The following MCF2L2 variants were observed in gnomAD, a reference collection of about 807,000 sequenced individuals.
The protein encoded by MCF2L2 is probable guanine nucleotide exchange factor MCF2L2.
A neutral mutation model predicts 150.2 loss-of-function variants in MCF2L2; 102 were observed. The observed-to-expected ratio is 0.68, with a 90% CI of 0.58 to 0.80. MCF2L2 has a LOEUF of 0.80. MCF2L2 is among the 30% of genes least tolerant of loss of function. MCF2L2 has a pLI of 0.00. For synonymous variants in MCF2L2, 465 were observed against 491.3 expected, an observed-to-expected ratio of 0.95 and a Z score of 0.71; for missense variants, 1,256 against 1,372.8, an observed-to-expected ratio of 0.91 and a Z score of 1.34.
rs768587693 is a variant in MCF2L2, at chr3:183,323,330, A to G, written c.508T>C (p.Ser170Pro). ...TTGTCGATGTAGCCGTGAAGGTCAG[A>G]GACAGAGTTTACCATGATGATCTGT... is the stretch of plus-strand genomic sequence containing the variant. Reference protein sequence around the residue: ...KVPIIMVNSVSDLHGYIDKSQ... With the variant: ...KVPIIMVNSVPDLHGYIDKSQ... The change falls in exon 6 of 30, where the codon TCT becomes CCT. Residue 170 changes from serine (S) to proline (P), a missense_variant. Transcript: ENST00000328913. 1.2e-6 allele frequency: 2 copies of G among 1,613,006 alleles called. No homozygotes were observed. Among genetic ancestry groups the G allele is most frequent in the East Asian group, 4.5e-5 (2 of 44,882 alleles).
chr3:183,271,153 G>C (rs903447574), intron 15 of MCF2L2: 1 of 420,832 alleles, frequency 2.4e-6, no homozygotes, highest in Non-Finnish European at 4.2e-6. Flanking sequence ...TTTAGAAAAG[G>C]TTTATATTAT....
In MCF2L2 at chr3:183,354,474, T is replaced by G. The variant is rs564277096; in HGVS notation, c.276-12844A>C. On this transcript the variant is annotated intron_variant, in intron 3 of 29. Transcript: ENST00000328913. ...ACCAAGAACCTTGGCTTCCACAACC[T>G]GCACCCTCCCACCCCACCCCACTTA... Among the ~76,000 whole-genome samples, 20 of 152,210 alleles carry G rather than the reference T, an allele frequency of 1.3e-4. No homozygotes were observed. In the South Asian group the frequency reaches 3.9e-3, roughly 30 times the overall value.
At chr3:183,184,235 C>T (rs1409157956) in intron 27 of MCF2L2, among the ~76,000 whole-genome samples, 1 of 152,190 alleles carries the variant, frequency 6.6e-6, no homozygotes, top group Admixed American at 6.5e-5. Context: ...TCAGGCTGGT[C>T]TCGAACTCTT....
chr3:183,318,838 C>T (rs1159491586), intron 6 of MCF2L2, among the ~76,000 whole-genome samples: 1 of 152,190 alleles, frequency 6.6e-6, no homozygotes, highest in Non-Finnish European at 1.5e-5. Context: ...TTTCAAAATA[C>T]TTTATTGTTA....
At chr3:183,417,111 G>T (rs1715632279) in intron 1 of MCF2L2, among the ~76,000 whole-genome samples, 1 of 75,348 alleles carries the variant, frequency 1.3e-5, no homozygotes, top group Non-Finnish European at 2.2e-5. Context: ...GTGAGACTCT[G>T]TCTCAAAAAA....
intron 1 of MCF2L2, among the ~76,000 whole-genome samples, chr3:183,403,071 C>T (rs1714857119): frequency 1.3e-5 from 2 of 151,758 alleles, no homozygotes; most frequent in Non-Finnish European, 2.9e-5. Flanking sequence ...ACCTGAAGTT[C>T]GAGACCAGCC....
At chr3:183,421,025 T>C (rs1185099333) in intron 1 of MCF2L2, among the ~76,000 whole-genome samples, 4 of 152,256 alleles carry the variant, frequency 2.6e-5, no homozygotes, top group Non-Finnish European at 5.9e-5. Context: ...TCATCTATCA[T>C]CTCTGATGAG....
At chr3:183,206,969 GGAA>G (rs1722511747) in intron 23 of MCF2L2, among the ~76,000 whole-genome samples, 1 of 11,858 alleles carries the variant, frequency 8.4e-5, no homozygotes, top group Non-Finnish European at 2.2e-4. Context: ...AAGGAAGGAA[GGAA>G]GGGAGGGAGG....
intron 27 of MCF2L2, among the ~76,000 whole-genome samples, chr3:183,183,834 G>A (rs760654860): frequency 7.2e-5 from 11 of 152,056 alleles, no homozygotes; most frequent in Non-Finnish European, 1.5e-4. Flanking sequence ...AGGGAGGTTT[G>A]TCTGCCATTG....
intron 10 of MCF2L2, among the ~76,000 whole-genome samples, chr3:183,306,232 G>C (rs1328412741): frequency 6.6e-6 from 1 of 152,138 alleles, no homozygotes; most frequent in Non-Finnish European, 1.5e-5. Flanking sequence ...AATCCTCCTG[G>C]TGCCTGCAAA....
At chr3:183,313,265 AT>A (rs1207969882) in intron 7 of MCF2L2, among the ~76,000 whole-genome samples, 2 of 151,790 alleles carry the variant, frequency 1.3e-5, no homozygotes, top group Non-Finnish European at 2.9e-5. Flanking sequence ...ACATATCCAT[AT>A]GTGAGGAAGA....
chr3:183,264,860 C>T (rs75166343), intron 15 of MCF2L2, among the ~76,000 whole-genome samples: 24 of 152,258 alleles, frequency 1.6e-4, no homozygotes, highest in East Asian at 9.6e-4. Flanking sequence ...CTGAGGGGCA[C>T]GGCTCCTAGA....
intron 26 of MCF2L2, 62 bp from the exon 27 acceptor site, chr3:183,193,158 C>A (rs747208614): frequency 1.4e-6 from 2 of 1,397,720 alleles, no homozygotes; most frequent in Non-Finnish European, 1.0e-6. Context: ...ATCCCTCCCC[C>A]ACCAGTTGGA....
chr3:183,412,598 C>A (rs1187531013), intron 1 of MCF2L2, among the ~76,000 whole-genome samples: 1 of 152,178 alleles, frequency 6.6e-6, no homozygotes, highest in Non-Finnish European at 1.5e-5. Flanking sequence ...CACACCTGGC[C>A]TTCTCTAATA....
chr3:183,306,429 G>A (rs534461151), intron 10 of MCF2L2, among the ~76,000 whole-genome samples: 58 of 152,318 alleles, frequency 3.8e-4, no homozygotes, highest in Admixed American at 9.1e-4. Flanking sequence ...AGGCTGGATC[G>A]TCAAGTTTCA....
Position 183,270,610 on chromosome 3 carries a change from C to T in MCF2L2, c.1862+6262G>A. Reference sequence around the variant, plus strand: ...GATGTAGCTGCCAAAGTCTATGAGGCATCACAGACACTAAATTCAAGTCTT... The same window carrying T: ...GATGTAGCTGCCAAAGTCTATGAGGTATCACAGACACTAAATTCAAGTCTT... On this transcript the variant is annotated intron_variant, in intron 15 of 29. Coordinates refer to ENST00000328913, the MANE Select transcript of MCF2L2 (RefSeq NM_015078.4). This position sits in a 1 kb window ranked among gnomAD's most constrained non-coding sequence, Gnocchi z 4.5. 1 of 1,614,190 alleles carries T rather than the reference C, an allele frequency of 6.2e-7. No homozygotes were observed. The highest frequency in any genetic ancestry group is 8.5e-7 in the Non-Finnish European group (1 of 1,180,040).
chr3:183,199,356 T>C (rs2108640434), intron 25 of MCF2L2, among the ~76,000 whole-genome samples: 1 of 152,342 alleles, frequency 6.6e-6, no homozygotes, highest in Non-Finnish European at 1.5e-5. Flanking sequence ...TTCTTCACCC[T>C]AGTAACATTA....
At chr3:183,357,871 C>T (rs920087524) in intron 3 of MCF2L2, among the ~76,000 whole-genome samples, 1 of 150,086 alleles carries the variant, frequency 6.7e-6, no homozygotes, top group African/African-American at 2.5e-5. Context: ...AAAAGGCCGG[C>T]AGACACCCCT....
intron 25 of MCF2L2, among the ~76,000 whole-genome samples, chr3:183,204,460 A>G (rs2108645142): frequency 9.4e-6 from 1 of 106,218 alleles, no homozygotes; most frequent in South Asian, 3.3e-4. Flanking sequence ...CTAGGATGGC[A>G]ATGATAATAA....
Sources: gnomAD v4.1 joint callset for allele counts (sites outside exome capture counted in the v4.1 genomes callset) on GRCh38, gnomAD v4.1.1 for gene constraint, Gnocchi (gnomAD v3.1) non-coding constraint, MANE v1.5 for transcripts, NCBI Gene and HGNC (gene_info 2026-07-23, HGNC 2026-07-21) for gene names.